The following ZNF426 variants were observed in gnomAD, a reference collection of about 807,000 sequenced individuals.
ZNF426 encodes CTC-543D15.7.
A neutral mutation model predicts 24.0 loss-of-function variants in ZNF426; 23 were observed. The observed-to-expected ratio is 0.96, with a 90% CI of 0.69 to 1.36. The LOEUF is 1.36. Among genes scored for constraint, ZNF426 ranks in the 40% most tolerant of loss-of-function variants. ZNF426 has a pLI of 0.00. For missense variants in ZNF426, 646 were observed against 658.4 expected, an observed-to-expected ratio of 0.98 and a Z score of 0.21; for synonymous variants, 272 against 224.6, an observed-to-expected ratio of 1.21 and a Z score of -1.89.
intron 7 of ZNF426, among the ~76,000 whole-genome samples, 157 bp from the exon 8 acceptor site, chr19:9,529,793 G>C (rs1024306636): frequency 2.0e-5 from 3 of 152,122 alleles, no homozygotes; most frequent in African/African-American, 7.2e-5. Flanking sequence ...TAAGTGGTAT[G>C]ACTTAACTCT....
chr19:9,525,476 TTTG>T lies in ZNF426; in HGVS notation c.*2901_*2903del, dbSNP rs529530878. 27 of 151,816 alleles carry T rather than the reference TTTG, an allele frequency of 1.8e-4. No homozygotes were observed. Among genetic ancestry groups the T allele is most frequent in the East Asian group, 5.8e-4 (3 of 5,130 alleles). 9.4% of individuals were successfully genotyped at this position (151,816 alleles called of 1,614,324 possible). A position where few individuals can be genotyped will look rare whatever the true frequency, so the allele number is the denominator to read the frequency against. On this transcript the variant is annotated 3_prime_UTR_variant, in exon 8 of 8. Coordinates refer to ENST00000253115, the MANE Select transcript of ZNF426 (RefSeq NM_024106.3). ...AAAGGCTGAGCATTGATGATGGGTTTTTGTTGTTGTTGTTGTTGTTGTTGTTTT... is the reference window on the plus strand; with the variant it reads ...AAAGGCTGAGCATTGATGATGGGTTTTTGTTGTTGTTGTTGTTGTTGTTTT...
rs1240085726 is a variant in ZNF426, at chr19:9,524,557, A to G, written c.*3823T>C. On this transcript the variant is annotated 3_prime_UTR_variant, in exon 8 of 8. Coordinates refer to ENST00000253115, the MANE Select transcript of ZNF426 (RefSeq NM_024106.3). ...AGCACTTTGGGAGGTCAAACCAGGC[A>G]GATCACTGGAGGTCAGGAGTTCGAG... The G allele has an allele frequency of 1.3e-5, 2 of 151,984 alleles. No individual in the cohort carries two copies. The highest frequency in any genetic ancestry group is 2.9e-5 in the Non-Finnish European group (2 of 68,008). 9.4% of individuals were successfully genotyped at this position (151,984 alleles called of 1,614,324 possible). A position where few individuals can be genotyped will look rare whatever the true frequency, so the allele number is the denominator to read the frequency against.
rs141117826 is a variant in ZNF426 at position 9,537,842 on chromosome 19, C to T, written c.-125+417G>A. Among the ~76,000 whole-genome samples the T allele has an allele frequency of 8.6e-5, 13 of 151,948 alleles. No individual in the cohort carries two copies. The East Asian group carries it at 1.4e-3, about 16-fold the overall frequency. On this transcript the variant is annotated intron_variant, in intron 2 of 7. Transcript: ENST00000253115. Reference sequence around the variant, plus strand: ...ATTTTTTTTCTATTTTTAGTAGAGACGGGGTTTCACCATCTTAGCCAGGCT... The same window carrying T: ...ATTTTTTTTCTATTTTTAGTAGAGATGGGGTTTCACCATCTTAGCCAGGCT...
At chr19:9,529,670 T>C (rs760179272) in intron 7 of ZNF426, 34 bp from the exon 8 acceptor site, 13 of 1,547,880 alleles carry the variant, frequency 8.4e-6, no homozygotes, top group Admixed American at 8.0e-5. Context: ...TAAGGATTTT[T>C]CTCAAACATA....
chr19:9,536,663 T>C (rs1451185697), intron 2 of ZNF426: 2 of 231,194 alleles, frequency 8.7e-6, no homozygotes, highest in Non-Finnish European at 1.7e-5. Context: ...TTTTAAGTAT[T>C]GGGTAGCCTC....
chr19:9,526,681 G>A lies in ZNF426; in HGVS notation c.*1699C>T, dbSNP rs990323049. 6.6e-6 allele frequency: 1 copy of A among 151,962 alleles called. No homozygotes were observed. The highest frequency in any genetic ancestry group is 1.5e-5 in the Non-Finnish European group (1 of 68,008). 9.4% of individuals were successfully genotyped at this position (151,962 alleles called of 1,614,324 possible). ...GGAAAGAAAAAAAAAGGGAAACAATGACAGAATTTCTCAAAATTAACTCAG... is the reference window on the plus strand; with the variant it reads ...GGAAAGAAAAAAAAAGGGAAACAATAACAGAATTTCTCAAAATTAACTCAG... On this transcript the variant is annotated 3_prime_UTR_variant, in exon 8 of 8. Transcript: ENST00000253115.
chr19:9,526,613 T>C lies in ZNF426; in HGVS notation c.*1767A>G, dbSNP rs1009110524. 3 of 151,352 alleles carry C rather than the reference T, an allele frequency of 2.0e-5. No homozygotes were observed. Among genetic ancestry groups the C allele is most frequent in the African/African-American group, 7.3e-5 (3 of 41,108 alleles). The allele number at this position is 151,352 out of a possible 1,614,324, so 9.4% of individuals were successfully genotyped here. On this transcript the variant is annotated 3_prime_UTR_variant, in exon 8 of 8. Coordinates refer to ENST00000253115, the MANE Select transcript of ZNF426 (RefSeq NM_024106.3). ...AAAACAAGATATAAGAACTGTGGGA[T>C]AACTACAAAAGATGTATCCTACATA...
rs2073793177 is a variant in ZNF426 at position 9,526,499 on chromosome 19, C to T, written c.*1881G>A. ...AGAAATGAAGAATGTCTTTGGTAGG[C>T]TTATTATTGGCCAAGAAACAGCCAA... On this transcript the variant is annotated 3_prime_UTR_variant, in exon 8 of 8. Transcript: ENST00000253115. 6.6e-6 allele frequency: 1 copy of T among 151,928 alleles called. No homozygotes were observed. The highest frequency in any genetic ancestry group is 2.1e-4 in the South Asian group (1 of 4,812). 9.4% of individuals were successfully genotyped at this position (151,928 alleles called of 1,614,324 possible).
intron 7 of ZNF426, among the ~76,000 whole-genome samples, chr19:9,530,586 A>G (rs1020177329): frequency 6.6e-6 from 1 of 151,186 alleles, no homozygotes; most frequent in Non-Finnish European, 1.5e-5. Context: ...ACACAGTAAG[A>G]CCCTGTCTCC....
At position 9,528,668 on chromosome 19, in the gene ZNF426, A is replaced by G; in HGVS notation, c.1377T>C (p.Tyr459=). The stretch of plus-strand genomic sequence containing the variant: ...GCATGTGAATTTTAAGGTGGGTGGA[A>G]TAGTTAAAAGCCTTCCCACATTCCT... ...TCKECGKAFN[Y]STHLKIHMRI... Residue 459 remains tyrosine (Y), a synonymous_variant, in exon 8 of 8, where the codon TAT becomes TAC. Transcript: ENST00000253115. 2 of 1,614,044 alleles carry G rather than the reference A, an allele frequency of 1.2e-6. No individual in the cohort carries two copies. The highest frequency in any genetic ancestry group is 8.5e-7 in the Non-Finnish European group (1 of 1,180,020).
Position 9,528,869 on chromosome 19 carries a change from A to G in ZNF426, c.1176T>C (p.Phe392=). 2.5e-6 allele frequency: 4 copies of G among 1,614,208 alleles called. No individual in the cohort carries two copies. The highest frequency in any genetic ancestry group is 3.4e-6 in the Non-Finnish European group (4 of 1,180,034). The part of the protein sequence containing the change: ...HIRTHTGEKP[F]VCVECGKAFA... Reference sequence around the variant, plus strand: ...AGGCTTTCCCACATTCAACACATACAAAAGGCTTCTCTCCAGTGTGAGTTC... The same window carrying G: ...AGGCTTTCCCACATTCAACACATACGAAAGGCTTCTCTCCAGTGTGAGTTC... The change falls in exon 8 of 8, where the codon TTT becomes TTC. Residue 392 remains phenylalanine, a synonymous_variant. Coordinates refer to ENST00000253115, the MANE Select transcript of ZNF426 (RefSeq NM_024106.3).
Position 9,526,303 on chromosome 19 carries a change from T to G in ZNF426, c.*2077A>C, listed in dbSNP as rs1242005954. On this transcript the variant is annotated 3_prime_UTR_variant, in exon 8 of 8. Coordinates refer to ENST00000253115, the MANE Select transcript of ZNF426 (RefSeq NM_024106.3). ...AAAGAGTAAGAACCAGAACCAGATATAGCAGGATTGCTGAAATTATCAGAC... is the reference window on the plus strand; with the variant it reads ...AAAGAGTAAGAACCAGAACCAGATAGAGCAGGATTGCTGAAATTATCAGAC... 6.6e-6 allele frequency: 1 copy of G among 151,774 alleles called. No individual in the cohort carries two copies. The highest frequency in any genetic ancestry group is 1.5e-5 in the Non-Finnish European group (1 of 67,988). The allele number at this position is 151,774 out of a possible 1,614,324, so 9.4% of individuals were successfully genotyped here. A position where few individuals can be genotyped will look rare whatever the true frequency, so the allele number is the denominator to read the frequency against.
chr19:9,538,303 G>A lies in ZNF426; in HGVS notation c.-169C>T, dbSNP rs1030242637. On this transcript the variant is annotated 5_prime_UTR_variant, in exon 2 of 8. Transcript: ENST00000253115. ...CAGGTCCCTGAACCGGGAAGATCCT[G>A]GGGACGGAGCCAACGCGGATGCAAA... 5.3e-5 allele frequency: 8 copies of A among 152,334 alleles called. No individual in the cohort carries two copies. The highest frequency in any genetic ancestry group is 1.9e-4 in the African/African-American group (8 of 41,584). 9.4% of individuals were successfully genotyped at this position (152,334 alleles called of 1,614,324 possible).
In ZNF426 at chr19:9,526,576, G is replaced by A. The variant is rs1351058718; in HGVS notation, c.*1804C>T. 1.3e-5 allele frequency: 2 copies of A among 151,230 alleles called. No individual in the cohort carries two copies. Among genetic ancestry groups the A allele is most frequent in the Non-Finnish European group, 2.9e-5 (2 of 67,812 alleles). 9.4% of individuals were successfully genotyped at this position (151,230 alleles called of 1,614,324 possible). ...GAAACATCCACACCTGAAAAGCAAA[G>A]AGAAGAATAAAAAAACAAGATATAA... On this transcript the variant is annotated 3_prime_UTR_variant, in exon 8 of 8. Transcript: ENST00000253115.
chr19:9,533,022 G>A, intron 5 of ZNF426, 97 bp from the exon 6 acceptor site: 1 of 1,090,274 alleles, frequency 9.2e-7, no homozygotes, highest in East Asian at 2.4e-5. Context: ...AAGTGGTGAA[G>A]CTATTTCAAA....
At chr19:9,534,114 G>A (rs746610285) in intron 4 of ZNF426, 148 bp from the exon 5 acceptor site, 40 of 1,008,424 alleles carry the variant, frequency 4.0e-5, no homozygotes, top group African/African-American at 2.5e-4. Context: ...GAAACTCCTC[G>A]CACCCTAAAC....
rs1390317586 is a variant in ZNF426, at chr19:9,529,013, G to A, written c.1032C>T (p.Ala344=). 3.1e-6 allele frequency: 5 copies of A among 1,613,420 alleles called. No individual in the cohort carries two copies. The highest frequency in any genetic ancestry group is 4.2e-6 in the Non-Finnish European group (5 of 1,179,774). Residue 344 remains alanine, a synonymous_variant, in exon 8 of 8, where the codon GCC becomes GCT. Transcript: ENST00000253115. ...TACTAAGGCCCGAGTACTGAGTGAA[G>A]GCTTTCCCACATTCCTTACATACAT... ...KPYVCKECGK[A]FTQYSGLSMH...
intron 4 of ZNF426, 123 bp downstream of exon 4, chr19:9,535,065 G>T: frequency 4.4e-6 from 3 of 689,088 alleles, no homozygotes; most frequent in Non-Finnish European, 7.0e-6. Flanking sequence ...GCAACACAGC[G>T]AGACTCCCTC....
In ZNF426 at chr19:9,527,663, C is replaced by T. The variant is rs1043013620; in HGVS notation, c.*717G>A. 3.9e-5 allele frequency: 6 copies of T among 152,166 alleles called. No homozygotes were observed. Among genetic ancestry groups the T allele is most frequent in the Admixed American group, 3.3e-4 (5 of 15,272 alleles). The allele number at this position is 152,166 out of a possible 1,614,324, so 9.4% of individuals were successfully genotyped here. ...GCATGTGAATATTAAGGCTTTTGGACAATCTATAAACGTTTTTGCTTATTG... is the reference window on the plus strand; with the variant it reads ...GCATGTGAATATTAAGGCTTTTGGATAATCTATAAACGTTTTTGCTTATTG... On this transcript the variant is annotated 3_prime_UTR_variant, in exon 8 of 8. Coordinates refer to ENST00000253115, the MANE Select transcript of ZNF426 (RefSeq NM_024106.3).
Sources: allele counts gnomAD v4.1 joint callset (sites outside exome capture counted in the v4.1 genomes callset), GRCh38; gene constraint gnomAD v4.1.1; transcripts MANE v1.5; gene names NCBI Gene and HGNC (gene_info 2026-07-23, HGNC 2026-07-21).